ADAMTSL1: variants seen among roughly 807,000 people sequenced by gnomAD.
The protein encoded by ADAMTSL1 is ADAMTS-like protein 1.
In ADAMTSL1, 126 loss-of-function variants were observed where a neutral mutation model predicts 201.8. The ratio of observed to expected loss-of-function variants is 0.62; its 90% CI spans 0.54 to 0.72. The LOEUF (loss-of-function observed/expected upper bound fraction) is 0.72, where lower values mean the gene tolerates loss of function less well. Among genes scored for constraint, ADAMTSL1 ranks in the 30% least tolerant of loss-of-function variants. The probability of loss-of-function intolerance (pLI) is 0.00; values close to 1 mark genes in which losing one functional copy is unlikely to be tolerated. For synonymous variants in ADAMTSL1, 1,121 were observed against 903.4 expected (o/e 1.24, Z -4.32); for missense variants, 2,679 against 2,277.8 (o/e 1.18, Z -3.59).
At chr9:18,143,727 C>T (rs1319349875) in intron 1 of ADAMTSL1, among the ~76,000 whole-genome samples, 5 of 151,994 alleles carry the variant, frequency 3.3e-5, no homozygotes, top group African/African-American at 1.2e-4. Context: ...TTCTTTTATC[C>T]CTGGCAATAA....
intron 9 of ADAMTSL1, among the ~76,000 whole-genome samples, chr9:18,673,996 C>T (rs1829981159): frequency 6.6e-6 from 1 of 151,680 alleles, no homozygotes; most frequent in South Asian, 2.1e-4. Context: ...ATGATTGTAA[C>T]ATGAGGAACG....
intron 2 of ADAMTSL1, among the ~76,000 whole-genome samples, chr9:18,334,799 T>C (rs1178170266): frequency 6.6e-6 from 1 of 152,092 alleles, no homozygotes; most frequent in Admixed American, 6.6e-5. Flanking sequence ...ACCACTTCCA[T>C]TATAAGAAAA....
chr9:18,466,073 C>T (rs1404328835), intron 2 of ADAMTSL1, among the ~76,000 whole-genome samples: 1 of 152,124 alleles, frequency 6.6e-6, no homozygotes, highest in Non-Finnish European at 1.5e-5. Context: ...TTTAAAAGAA[C>T]TTTTCATTCT....
Position 18,826,456 on chromosome 9 carries a change from G to A in ADAMTSL1, c.4107G>A (p.Leu1369=). Reference sequence around the variant, plus strand: ...AGCTGACTGAGAGCACCCAGCTGCTGATCCTAGGTAAACACTTCAAAGCTG... The same window carrying A: ...AGCTGACTGAGAGCACCCAGCTGCTAATCCTAGGTAAACACTTCAAAGCTG... ...HGELTESTQL[L]ILDPPQVPTQ... The change falls in exon 22 of 29, where the codon CTG becomes CTA. Residue 1369 remains leucine (L), a synonymous_variant. Transcript: ENST00000380548. 6.2e-7 allele frequency: 1 copy of A among 1,612,646 alleles called. No individual in the cohort carries two copies. The highest frequency in any genetic ancestry group is 8.5e-7 in the Non-Finnish European group (1 of 1,179,388).
intron 1 of ADAMTSL1, among the ~76,000 whole-genome samples, chr9:17,983,174 G>A (rs1315740924): frequency 2.0e-5 from 3 of 148,182 alleles, no homozygotes; most frequent in South Asian, 2.2e-4. Flanking sequence ...GGGTTCAAGC[G>A]ATTCTCCTGC....
intron 2 of ADAMTSL1, among the ~76,000 whole-genome samples, chr9:18,515,376 C>G (rs1022114591): frequency 5.3e-5 from 8 of 152,152 alleles, no homozygotes; most frequent in African/African-American, 1.9e-4. Flanking sequence ...GCTGTATCGC[C>G]CAGGCTGGAG....
At chr9:18,516,806 A>T (rs1370635976) in intron 2 of ADAMTSL1, among the ~76,000 whole-genome samples, 1 of 152,200 alleles carries the variant, frequency 6.6e-6, no homozygotes, top group East Asian at 1.9e-4. Flanking sequence ...AAAAGGAGAC[A>T]GTTTCTCCTC....
At chr9:18,359,886 A>T (rs1438747758) in intron 2 of ADAMTSL1, among the ~76,000 whole-genome samples, 3 of 125,564 alleles carry the variant, frequency 2.4e-5, no homozygotes, top group African/African-American at 9.0e-5. Flanking sequence ...CTTGGACTCA[A>T]GTCTTGTTAA....
intron 7 of ADAMTSL1, among the ~76,000 whole-genome samples, chr9:18,642,504 C>T (rs1367083625): frequency 2.0e-5 from 3 of 151,890 alleles, no homozygotes; most frequent in African/African-American, 7.3e-5. Flanking sequence ...CTGCAGCCAC[C>T]GTGTTGTAGG....
intron 1 of ADAMTSL1, among the ~76,000 whole-genome samples, chr9:17,965,208 A>C (rs1817934521): frequency 6.6e-6 from 1 of 152,210 alleles, no homozygotes; most frequent in Admixed American, 6.5e-5. Flanking sequence ...TTTCAATAGA[A>C]GAGTTTCAAT....
intron 16 of ADAMTSL1, among the ~76,000 whole-genome samples, chr9:18,763,971 T>C (rs1396143578): frequency 6.6e-6 from 1 of 152,166 alleles, no homozygotes; most frequent in East Asian, 1.9e-4. Flanking sequence ...ATAGCTTTGG[T>C]TATTCTGGGT....
intron 2 of ADAMTSL1, among the ~76,000 whole-genome samples, chr9:18,204,148 A>G (rs919624701): frequency 2.0e-5 from 3 of 152,048 alleles, no homozygotes; most frequent in African/African-American, 7.2e-5. Context: ...ACTTAACCCT[A>G]TGTGATTGAT....
At chr9:18,087,037 A>T (rs1031401055) in intron 1 of ADAMTSL1, among the ~76,000 whole-genome samples, 4 of 152,180 alleles carry the variant, frequency 2.6e-5, no homozygotes, top group Non-Finnish European at 5.9e-5. Context: ...CAACATTCTC[A>T]TGAGGCTGAG....
chr9:18,645,622 C>T (rs1329449057), intron 7 of ADAMTSL1, among the ~76,000 whole-genome samples: 2 of 151,714 alleles, frequency 1.3e-5, no homozygotes, highest in Admixed American at 1.3e-4. Context: ...GCCAGTTTTC[C>T]CAGCACCATT....
intron 2 of ADAMTSL1, among the ~76,000 whole-genome samples, chr9:18,365,072 T>C (rs1312518994): frequency 6.6e-6 from 1 of 152,118 alleles, no homozygotes; most frequent in Non-Finnish European, 1.5e-5. Flanking sequence ...GTACCCTATA[T>C]AGGGTCTGGC....
chr9:18,077,736 A>G (rs1270894147), intron 1 of ADAMTSL1, among the ~76,000 whole-genome samples: 1 of 151,954 alleles, frequency 6.6e-6, no homozygotes, highest in East Asian at 2.0e-4. Context: ...GTGGGGTCCA[A>G]GGAGGACTTT....
chr9:18,201,298 A>G (rs539817780), intron 2 of ADAMTSL1, among the ~76,000 whole-genome samples: 23 of 152,126 alleles, frequency 1.5e-4, no homozygotes, highest in Non-Finnish European at 2.9e-4. Context: ...TGATGATTCT[A>G]GCCATGTACC....
At position 18,387,107 on chromosome 9, in the gene ADAMTSL1, T is replaced by G. The variant is rs1440688125; in HGVS notation, c.208-117722T>G. ...TAATATATACATTGGGATCTCATTT[T>G]TATGTATTTTTATAGATATGCTAAA... On this transcript the variant is annotated intron_variant, in intron 2 of 29. Coordinates refer to the ADAMTSL1 transcript ENST00000680146. Among the ~76,000 whole-genome samples the G allele has an allele frequency of 3.3e-5, 5 of 152,192 alleles. No individual in the cohort carries two copies. In the East Asian group the frequency reaches 9.6e-4, roughly 29 times the overall value.
intron 1 of ADAMTSL1, among the ~76,000 whole-genome samples, chr9:18,059,820 T>G (rs760500219): frequency 6.6e-6 from 1 of 152,172 alleles, no homozygotes; most frequent in Non-Finnish European, 1.5e-5. Flanking sequence ...AAGAATGAAT[T>G]TGGCTTTTTT....
Sources: allele counts gnomAD v4.1 joint callset (sites outside exome capture counted in the v4.1 genomes callset), GRCh38; gene constraint gnomAD v4.1.1; transcripts MANE v1.5; gene names NCBI Gene and HGNC (gene_info 2026-07-23, HGNC 2026-07-21).